Variants in DOCK1 observed in about 807,000 individuals in gnomAD.
DOCK1 encodes the protein dedicator of cytokinesis 1.
Under a neutral mutation model 262.7 loss-of-function variants are expected in DOCK1, and 138 were observed. That is an observed-to-expected ratio of 0.53 (90% CI 0.46 to 0.61). The LOEUF (loss-of-function observed/expected upper bound fraction) is 0.61. DOCK1 is among the 20% of genes least tolerant of loss of function. The pLI, the probability that DOCK1 is intolerant of heterozygous loss-of-function variation, is 0.00. For synonymous variants in DOCK1, 866 were observed against 867.4 expected (o/e 1.00, Z 0.03); for missense variants, 1,908 against 2,370.7 (o/e 0.80, Z 4.05).
In DOCK1 at chr10:126,909,619, G is replaced by A. The variant is rs570115076; in HGVS notation, c.46+4056G>A. ...AGCTCTCAAATGGGATGGGGCATTGGCACTGCTCTTACTCATAATGGGACC... is the reference window on the plus strand; with the variant it reads ...AGCTCTCAAATGGGATGGGGCATTGACACTGCTCTTACTCATAATGGGACC... On this transcript the variant is annotated intron_variant, in intron 1 of 51. Coordinates refer to ENST00000623213, the MANE Select transcript of DOCK1 (RefSeq NM_001290223.2). 1.4e-4 allele frequency among the ~76,000 whole-genome samples: 22 copies of A among 152,236 alleles called. 1 individual carries two copies. The highest frequency in any genetic ancestry group is 5.1e-4 in the African/African-American group (21 of 41,544).
chr10:127,118,269 A>G (rs1392164429), intron 25 of DOCK1, among the ~76,000 whole-genome samples: 9 of 151,870 alleles, frequency 5.9e-5, no homozygotes, highest in Non-Finnish European at 1.3e-4. Flanking sequence ...CACCTAGAAA[A>G]CAGACTTCCT....
At chr10:127,354,445 G>C (rs147123801) in intron 31 of DOCK1, among the ~76,000 whole-genome samples, 2 of 151,932 alleles carry the variant, frequency 1.3e-5, no homozygotes, top group Admixed American at 6.6e-5. Context: ...CGTTCCCACC[G>C]GGGGGAAGAT....
chr10:127,421,266 T>G (rs1479371480), intron 46 of DOCK1, among the ~76,000 whole-genome samples: 4 of 152,136 alleles, frequency 2.6e-5, no homozygotes, highest in Admixed American at 1.3e-4. Flanking sequence ...CTTAGTGGCC[T>G]CTCTGTCATC....
At chr10:127,148,342 A>G (rs1228118749) in intron 27 of DOCK1, among the ~76,000 whole-genome samples, 1 of 152,338 alleles carries the variant, frequency 6.6e-6, no homozygotes, top group East Asian at 1.9e-4. Flanking sequence ...GATGGTAGGA[A>G]TTCTACCACT....
intron 44 of DOCK1, 81 bp downstream of exon 44, chr10:127,415,319 C>G: frequency 2.1e-6 from 3 of 1,413,530 alleles, no homozygotes; most frequent in Non-Finnish European, 2.0e-6. Flanking sequence ...CCTGCTCATG[C>G]CCCGTGGTCA....
At chr10:126,951,338 G>T (rs1188614329) in intron 1 of DOCK1, among the ~76,000 whole-genome samples, 2 of 151,572 alleles carry the variant, frequency 1.3e-5, no homozygotes, top group South Asian at 4.2e-4. Flanking sequence ...GGTGATAGTG[G>T]TGATGGTAGT....
At chr10:127,361,070 G>A (rs1376015305) in intron 32 of DOCK1, among the ~76,000 whole-genome samples, 1 of 150,364 alleles carries the variant, frequency 6.7e-6, no homozygotes, top group Non-Finnish European at 1.5e-5. Flanking sequence ...ATCATATCTG[G>A]AACAAGATAG....
intron 1 of DOCK1, among the ~76,000 whole-genome samples, chr10:126,966,727 C>T (rs978665611): frequency 1.7e-4 from 26 of 152,126 alleles, no homozygotes; most frequent in African/African-American, 6.0e-4. Context: ...GGCATGAGTG[C>T]AGCCTGTTAA....
intron 3 of DOCK1, among the ~76,000 whole-genome samples, chr10:126,978,352 A>G (rs1565024840): frequency 6.6e-6 from 1 of 152,182 alleles, no homozygotes; most frequent in Non-Finnish European, 1.5e-5. Flanking sequence ...TGTTGTCCTT[A>G]ATAATAGATT....
At position 127,409,150 on chromosome 10, in the gene DOCK1, C is replaced by G. The variant is rs373245783; in HGVS notation, c.4236C>G (p.Gly1412=). 3 of 1,613,074 alleles carry G rather than the reference C, an allele frequency of 1.9e-6. No individual in the cohort carries two copies. The change falls in exon 41 of 52, where the codon GGC becomes GGG. Residue 1412 remains glycine, a synonymous_variant. Coordinates refer to ENST00000623213, the MANE Select transcript of DOCK1 (RefSeq NM_001290223.2). ...AAATGAAGACAACATCTCCACCAGGCGACGATATTAAAAACTCTCCTGGCC... is the reference window on the plus strand; with the variant it reads ...AAATGAAGACAACATCTCCACCAGGGGACGATATTAAAAACTCTCCTGGCC... ...AEKMKTTSPP[G]DDIKNSPGQY...
chr10:127,342,872 T>C (rs2063492736), intron 30 of DOCK1, among the ~76,000 whole-genome samples: 1 of 152,228 alleles, frequency 6.6e-6, no homozygotes, highest in African/African-American at 2.4e-5. Context: ...CTAGTGTATG[T>C]GTGATTTGGG....
chr10:127,393,678 T>G (rs1408724209), intron 38 of DOCK1, among the ~76,000 whole-genome samples: 6 of 152,204 alleles, frequency 3.9e-5, no homozygotes, highest in Non-Finnish European at 8.8e-5. Context: ...GCTGCTGTTT[T>G]ATATTGGACA....
intron 22 of DOCK1, among the ~76,000 whole-genome samples, chr10:127,056,630 C>G (rs1245497198): frequency 6.6e-6 from 1 of 151,992 alleles, no homozygotes; most frequent in Non-Finnish European, 1.5e-5. Context: ...TTTGTCCCTT[C>G]CTTCCTTCCT....
chr10:127,293,499 TC>T (rs1364804535), intron 29 of DOCK1, among the ~76,000 whole-genome samples: 1 of 152,188 alleles, frequency 6.6e-6, no homozygotes, highest in Non-Finnish European at 1.5e-5. Context: ...CAGACTGGTT[TC>T]CTGGTCCCTT....
chr10:127,135,065 GA>G, intron 27 of DOCK1, among the ~76,000 whole-genome samples: 1 of 152,336 alleles, frequency 6.6e-6, no homozygotes, highest in South Asian at 2.1e-4. Context: ...ATGGAGGCAA[GA>G]TTTACATGCC....
intron 27 of DOCK1, among the ~76,000 whole-genome samples, chr10:127,242,016 A>G (rs1191416325): frequency 2.0e-5 from 3 of 152,122 alleles, no homozygotes; most frequent in African/African-American, 7.2e-5. Context: ...TGGGTTTTGC[A>G]CCAGGGATTC....
intron 30 of DOCK1, among the ~76,000 whole-genome samples, chr10:127,343,133 T>C (rs1158856966): frequency 6.6e-6 from 1 of 152,100 alleles, no homozygotes; most frequent in African/African-American, 2.4e-5. Flanking sequence ...TAGTCCCAGC[T>C]ACTCAGGAGG....
intron 29 of DOCK1, among the ~76,000 whole-genome samples, chr10:127,294,848 G>GC (rs1291240938): frequency 6.6e-6 from 1 of 150,686 alleles, no homozygotes; most frequent in Non-Finnish European, 1.5e-5. Flanking sequence ...CGCCACATTG[G>GC]CCAGGCTGGT....
intron 38 of DOCK1, among the ~76,000 whole-genome samples, chr10:127,393,586 G>C (rs76870843): frequency 6.6e-6 from 1 of 152,060 alleles, no homozygotes; most frequent in African/African-American, 2.4e-5. Flanking sequence ...GAGAGTGGGC[G>C]GGGGCAGGGA....
Sources: gnomAD v4.1 joint callset for allele counts (sites outside exome capture counted in the v4.1 genomes callset) on GRCh38, gnomAD v4.1.1 for gene constraint, MANE v1.5 for transcripts, NCBI Gene and HGNC (gene_info 2026-07-23, HGNC 2026-07-21) for gene names.